Variants in MAP3K13 observed in about 807,000 individuals in gnomAD.
MAP3K13 encodes mitogen-activated protein kinase kinase kinase 13.
Under a neutral mutation model 104.0 loss-of-function variants are expected in MAP3K13, and 52 were observed. The observed-to-expected ratio is 0.50, with a 90% CI of 0.40 to 0.63. MAP3K13 has a LOEUF of 0.63. Ranked by LOEUF, MAP3K13 falls within the 20% of genes least tolerant of loss-of-function variation. The probability of loss-of-function intolerance (pLI) is 0.00; values close to 1 mark genes in which losing one functional copy is unlikely to be tolerated. For synonymous variants in MAP3K13, 394 were observed against 442.2 expected, an observed-to-expected ratio of 0.89 and a Z score of 1.37; for missense variants, 914 against 1,218.5, an observed-to-expected ratio of 0.75 and a Z score of 3.72.
At chr3:185,301,531 CA>C (rs1296389576) in intron 2 of MAP3K13, among the ~76,000 whole-genome samples, 1 of 152,136 alleles carries the variant, frequency 6.6e-6, no homozygotes, top group Non-Finnish European at 1.5e-5. Context: ...TAATAATTGC[CA>C]AACCCAATGT....
intron 2 of MAP3K13, among the ~76,000 whole-genome samples, chr3:185,347,795 G>A (rs1458752114): frequency 6.6e-6 from 1 of 151,988 alleles, no homozygotes; most frequent in African/African-American, 2.4e-5. Flanking sequence ...GATCACCTGA[G>A]GTCAGGAGTT....
chr3:185,351,881 T>C (rs1001402668), intron 2 of MAP3K13, among the ~76,000 whole-genome samples: 3 of 152,162 alleles, frequency 2.0e-5, no homozygotes, highest in African/African-American at 7.2e-5. Flanking sequence ...CTTTGATTCA[T>C]TAGAATATTC....
intron 1 of MAP3K13, among the ~76,000 whole-genome samples, chr3:185,416,235 C>T (rs1713763880): frequency 6.6e-6 from 1 of 152,130 alleles, no homozygotes; most frequent in Non-Finnish European, 1.5e-5. Context: ...CTCATCTTAT[C>T]ACTTTCCTAA....
intron 1 of MAP3K13, chr3:185,417,956 T>A (rs1713883300): frequency 6.2e-7 from 1 of 1,608,128 alleles, no homozygotes; most frequent in Non-Finnish European, 8.5e-7. Flanking sequence ...TTGTAGTTAC[T>A]CTTGAGGGAA....
intron 2 of MAP3K13, among the ~76,000 whole-genome samples, chr3:185,298,310 AG>A (rs763126806): frequency 3.9e-5 from 6 of 152,192 alleles, no homozygotes; most frequent in African/African-American, 2.4e-5. Context: ...CCATAGACTT[AG>A]GGAAATAATG....
intron 2 of MAP3K13, chr3:185,292,977 G>T: frequency 4.1e-6 from 4 of 984,506 alleles, no homozygotes; most frequent in Non-Finnish European, 4.8e-6. Flanking sequence ...TGCATCCCAC[G>T]TGGTAAGAAT....
chr3:185,377,893 C>T (rs9883752), intron 1 of MAP3K13, among the ~76,000 whole-genome samples: 2 of 152,178 alleles, frequency 1.3e-5, no homozygotes, highest in Non-Finnish European at 2.9e-5. Context: ...TTGGACAGTC[C>T]GATTTCCAGT....
chr3:185,369,823 A>ATC (rs1393545767), intron 1 of MAP3K13, among the ~76,000 whole-genome samples: 9 of 152,224 alleles, frequency 5.9e-5, no homozygotes, highest in African/African-American at 1.4e-4. Flanking sequence ...TGCCTTCTTT[A>ATC]TCTAGAAGAT....
chr3:185,429,161 A>G, intron 2 of MAP3K13, 105 bp downstream of exon 2: 1 of 1,034,742 alleles, frequency 9.7e-7, no homozygotes, highest in East Asian at 2.6e-5. Context: ...GGCAAATTAA[A>G]GAACTAGTGA....
chr3:185,343,679 T>C (rs1577445078), intron 2 of MAP3K13, among the ~76,000 whole-genome samples: 1 of 152,124 alleles, frequency 6.6e-6, no homozygotes, highest in Admixed American at 6.5e-5. Context: ...TCTCGATCTC[T>C]TGACCTTGTG....
intron 1 of MAP3K13, among the ~76,000 whole-genome samples, chr3:185,411,452 G>C (rs1380752256): frequency 6.6e-6 from 1 of 152,204 alleles, no homozygotes; most frequent in African/African-American, 2.4e-5. Context: ...TTCTCAGGTA[G>C]ATTTGCTGGA....
Position 185,428,768 on chromosome 3 carries a change from C to T in MAP3K13, c.187C>T (p.Pro63Ser), listed in dbSNP as rs1396566753. Residue 63 changes from proline to serine, a missense_variant, in exon 2 of 14, where the codon CCC becomes TCC. By Grantham distance (74) the Pro-to-Ser change is moderately conservative (BLOSUM62 -1). Around this residue, in one of 3 missense-constraint regions of MAP3K13, gnomAD observed 156 missense variants for 159.8 expected, o/e 0.98. Transcript: ENST00000265026. The part of the protein sequence containing the change: ...RTELIESVHS[P>S]VTTTVLTSVS... Reference sequence around the variant, plus strand: ...AGAGCTAATCGAGAGCGTGCACAGCCCCGTCACCACAACAGTGTTGACGAG... The same window carrying T: ...AGAGCTAATCGAGAGCGTGCACAGCTCCGTCACCACAACAGTGTTGACGAG... 2 of 1,614,014 alleles carry T rather than the reference C, an allele frequency of 1.2e-6. No homozygotes were observed. The highest frequency in any genetic ancestry group is 1.3e-5 in the African/African-American group (1 of 74,902).
At position 185,482,664 on chromosome 3, in the gene MAP3K13, C is replaced by G. The variant is rs1718532061; in HGVS notation, c.*208C>G. 2.0e-6 allele frequency: 1 copy of G among 506,606 alleles called. No individual in the cohort carries two copies. 31.4% of individuals were successfully genotyped at this position (506,606 alleles called of 1,614,324 possible). A position where few individuals can be genotyped will look rare whatever the true frequency, so the allele number is the denominator to read the frequency against. Reference sequence around the variant, plus strand: ...AATATCCAAATGAAATTAAGTCTCACTGAACATTTCAATCAAGAATGGCAG... The same window carrying G: ...AATATCCAAATGAAATTAAGTCTCAGTGAACATTTCAATCAAGAATGGCAG... On this transcript the variant is annotated 3_prime_UTR_variant, in exon 14 of 14. Transcript: ENST00000265026. The surrounding 1 kb of genome is among the most constrained non-coding windows in gnomAD (Gnocchi z 4.5).
At chr3:185,394,614 C>A (rs1446906334) in intron 1 of MAP3K13, among the ~76,000 whole-genome samples, 1 of 152,186 alleles carries the variant, frequency 6.6e-6, no homozygotes, top group African/African-American at 2.4e-5. Flanking sequence ...GTTCTTATTA[C>A]TCTAATGCTC....
intron 2 of MAP3K13, among the ~76,000 whole-genome samples, chr3:185,347,337 A>T (rs1414430169): frequency 6.6e-6 from 1 of 152,186 alleles, no homozygotes; most frequent in Non-Finnish European, 1.5e-5. Flanking sequence ...ACAGATACAG[A>T]TATATCAAGG....
rs1177716811 is a variant in MAP3K13, at chr3:185,315,033, A to G, written c.-86+29390A>G. On this transcript the variant is annotated intron_variant, in intron 2 of 14. Coordinates refer to the MAP3K13 transcript ENST00000424227. This position sits in a 1 kb window ranked among gnomAD's most constrained non-coding sequence, Gnocchi z 4.3. ...TTTGGGAGGCTGAGGCAGGCGCATC[A>G]CGAAGTCAGGAGTTTGAGACCAGCC... Among the ~76,000 whole-genome samples, 1 of 152,112 alleles carries G rather than the reference A, an allele frequency of 6.6e-6. No individual in the cohort carries two copies. Among genetic ancestry groups the G allele is most frequent in the Non-Finnish European group, 1.5e-5 (1 of 68,012 alleles).
At position 185,473,710 on chromosome 3, in the gene MAP3K13, T is replaced by A. The variant is rs1717946240; in HGVS notation, c.2379T>A (p.Ser793=). The change falls in exon 11 of 14, where the codon TCT becomes TCA. Residue 793 remains serine, a synonymous_variant. Coordinates refer to ENST00000265026, the MANE Select transcript of MAP3K13 (RefSeq NM_004721.5). This position sits in a 1 kb window ranked among gnomAD's most constrained non-coding sequence, Gnocchi z 4.9. ...GGTCTGAGTCATCCCTCGGCACCTC[T>A]CATCTCGGCACCCCTCCAGCGCTAC... is the stretch of plus-strand genomic sequence containing the variant. The part of the protein sequence containing the change: ...GCRSESSLGT[S]HLGTPPALPR... 2.5e-6 allele frequency: 4 copies of A among 1,614,040 alleles called. No homozygotes were observed. The highest frequency in any genetic ancestry group is 3.4e-6 in the Non-Finnish European group (4 of 1,180,024).
chr3:185,403,343 C>T (rs546403176), intron 1 of MAP3K13, among the ~76,000 whole-genome samples: 2 of 152,296 alleles, frequency 1.3e-5, no homozygotes, highest in South Asian at 2.1e-4. Context: ...GGTGATAATA[C>T]ACTAACATTT....
intron 5 of MAP3K13, among the ~76,000 whole-genome samples, chr3:185,449,431 T>C (rs1464709305): frequency 6.6e-6 from 1 of 151,920 alleles, no homozygotes; most frequent in Non-Finnish European, 1.5e-5. Context: ...TAACTCCTTA[T>C]TTTTTAGAAG....
Sources: gnomAD v4.1 joint callset for allele counts (sites outside exome capture counted in the v4.1 genomes callset) on GRCh38, gnomAD v4.1.1 for gene constraint, gnomAD v4.1.1 regional missense constraint, Gnocchi (gnomAD v3.1) non-coding constraint, MANE v1.5 for transcripts, NCBI Gene and HGNC (gene_info 2026-07-23, HGNC 2026-07-21) for gene names.